The following LRRC9 variants were observed in gnomAD, a reference collection of about 807,000 sequenced individuals.
The protein encoded by LRRC9 is leucine-rich repeat-containing protein 9.
Under a neutral mutation model 63.2 loss-of-function variants are expected in LRRC9, and 122 were observed. That is an observed-to-expected ratio of 1.93 (90% CI 1.67 to 2.24). The LOEUF (loss-of-function observed/expected upper bound fraction) is 2.24. Among genes scored for constraint, LRRC9 ranks in the 30% most tolerant of loss-of-function variants. The pLI, the probability that LRRC9 is intolerant of heterozygous loss-of-function variation, is 0.00. For synonymous variants in LRRC9, 366 were observed against 213.1 expected (o/e 1.72, Z -6.25); for missense variants, 1,071 against 627.7 (o/e 1.71, Z -7.55).
intron 14 of LRRC9, 28 bp from the exon 15 acceptor site, chr14:59,977,989 G>C: frequency 2.9e-6 from 2 of 684,894 alleles, no homozygotes; most frequent in Admixed American, 4.2e-5. Flanking sequence ...AAATGTGTTT[G>C]CTTTGCTTGT....
chr14:60,046,441 C>T (rs1893429812), intron 29 of LRRC9, among the ~76,000 whole-genome samples: 2 of 151,932 alleles, frequency 1.3e-5, no homozygotes, highest in South Asian at 4.2e-4. Context: ...CTTTTGTTAA[C>T]CTCTGTATAA....
intron 19 of LRRC9, among the ~76,000 whole-genome samples, chr14:60,000,477 A>T (rs554570913): frequency 3.9e-5 from 6 of 152,236 alleles, no homozygotes; most frequent in Non-Finnish European, 8.8e-5. Context: ...AAAGAAATCA[A>T]ATCCTGCTAA....
intron 29 of LRRC9, among the ~76,000 whole-genome samples, chr14:60,052,068 T>G (rs1277464964): frequency 3.9e-5 from 6 of 152,214 alleles, no homozygotes. Context: ...GTTCACTCAC[T>G]GCTTTCACTC....
At chr14:59,944,420 T>G (rs1204220113) in intron 7 of LRRC9, among the ~76,000 whole-genome samples, 169 bp from the exon 8 acceptor site, 1 of 151,934 alleles carries the variant, frequency 6.6e-6, no homozygotes, top group Non-Finnish European at 1.5e-5. Context: ...TAAGTTTAAA[T>G]ATAGAACTCT....
chr14:59,946,502 G>C (rs1338931447), intron 8 of LRRC9, among the ~76,000 whole-genome samples: 1 of 144,940 alleles, frequency 6.9e-6, no homozygotes, highest in African/African-American at 2.6e-5. Context: ...CTTTTTTTTT[G>C]TCTTTTTTTT....
chr14:59,984,726 G>C (rs183770207), intron 16 of LRRC9, among the ~76,000 whole-genome samples: 1 of 152,170 alleles, frequency 6.6e-6, no homozygotes, highest in Admixed American at 6.5e-5. Context: ...TACCCTACCT[G>C]ATACCCCAAA....
chr14:60,055,004 C>T (rs186834272), intron 30 of LRRC9, among the ~76,000 whole-genome samples: 131 of 152,356 alleles, frequency 8.6e-4, no homozygotes, highest in Middle Eastern at 3.4e-3. Context: ...AGGCAATCCA[C>T]CCGCCTTGGC....
downstream of LRRC9, among the ~76,000 whole-genome samples, chr14:60,065,898 C>T (rs1325262809): frequency 6.6e-6 from 1 of 151,736 alleles, no homozygotes; most frequent in Non-Finnish European, 1.5e-5. Flanking sequence ...GAACCGAATA[C>T]AGGCAGTGTG....
Position 59,938,711 on chromosome 14 carries a change from A to T in LRRC9, c.726+139A>T. The T allele has an allele frequency of 2.3e-6, 1 of 429,026 alleles. No individual in the cohort carries two copies. The highest frequency in any genetic ancestry group is 4.1e-6 in the Non-Finnish European group (1 of 245,446). 26.6% of individuals were successfully genotyped at this position (429,026 alleles called of 1,614,324 possible). Reference sequence around the variant, plus strand: ...GTCTGCTTTTGCCCTAGTGAACTGGATATTACACATAAAAGTATATAAATA... The same window carrying T: ...GTCTGCTTTTGCCCTAGTGAACTGGTTATTACACATAAAAGTATATAAATA... On this transcript the variant is annotated intron_variant, in intron 7 of 31. Transcript: ENST00000445360. The surrounding 1 kb of genome is among the most constrained non-coding windows in gnomAD (Gnocchi z 4.2).
At chr14:60,062,213 T>G in intron 31 of LRRC9, 34 bp downstream of exon 32, 1 of 398,418 alleles carries the variant, frequency 2.5e-6, no homozygotes, top group African/African-American at 2.1e-5. Flanking sequence ...TAATATCATT[T>G]CTCATCATTA....
intron 19 of LRRC9, among the ~76,000 whole-genome samples, chr14:60,000,874 A>G (rs922962014): frequency 6.6e-6 from 1 of 152,182 alleles, no homozygotes; most frequent in Non-Finnish European, 1.5e-5. Flanking sequence ...TTATATATCC[A>G]GAATATATAA....
At chr14:59,976,507 T>G (rs765221677) in intron 13 of LRRC9, among the ~76,000 whole-genome samples, 16 of 152,168 alleles carry the variant, frequency 1.1e-4, no homozygotes, top group Non-Finnish European at 2.4e-4. Flanking sequence ...TAATAATAAT[T>G]ATAAAATTAA....
intron 27 of LRRC9, among the ~76,000 whole-genome samples, chr14:60,025,981 A>C (rs1891520031): frequency 6.6e-6 from 1 of 152,122 alleles, no homozygotes; most frequent in South Asian, 2.1e-4. Context: ...GAGATTGGGC[A>C]AGAGGAGGTA....
chr14:59,931,451 T>C (rs1388269745), intron 4 of LRRC9, among the ~76,000 whole-genome samples, 168 bp from the exon 5 acceptor site: 2 of 152,112 alleles, frequency 1.3e-5, no homozygotes, highest in African/African-American at 4.8e-5. Context: ...AGTTCCAGTA[T>C]AGAGAACAAA....
chr14:59,992,403 G>A (rs1049188197), intron 17 of LRRC9, among the ~76,000 whole-genome samples: 4 of 152,282 alleles, frequency 2.6e-5, no homozygotes, highest in South Asian at 2.1e-4. Context: ...AAATCAGAGC[G>A]CCTCTTCTCG....
At chr14:59,987,955 T>TCAA (rs1334111611) in intron 17 of LRRC9, among the ~76,000 whole-genome samples, 177 of 152,336 alleles carry the variant, frequency 1.2e-3, no homozygotes, top group African/African-American at 3.4e-3. Context: ...TTTCCCAAAG[T>TCAA]GAGCAACTCT....
At chr14:59,967,283 G>C in intron 12 of LRRC9, 70 bp downstream of exon 12, 2 of 501,368 alleles carry the variant, frequency 4.0e-6, no homozygotes, top group Admixed American at 3.0e-5. Flanking sequence ...GGTTAAGCAT[G>C]ATTTCCCAAT....
chr14:60,006,290 C>G (rs370052181), intron 21 of LRRC9, 107 bp from the exon 22 acceptor site: 1 of 589,122 alleles, frequency 1.7e-6, no homozygotes. Flanking sequence ...TCTTTAAAGC[C>G]ATTTGAACCT....
At chr14:59,933,082 G>T (rs540062955) in intron 6 of LRRC9, among the ~76,000 whole-genome samples, 1 of 152,184 alleles carries the variant, frequency 6.6e-6, no homozygotes, top group East Asian at 1.9e-4. Context: ...CTTTGCACTT[G>T]CTGGAATTTT....
Sources: allele counts gnomAD v4.1 joint callset (sites outside exome capture counted in the v4.1 genomes callset), GRCh38; gene constraint gnomAD v4.1.1; non-coding constraint Gnocchi (gnomAD v3.1); transcripts MANE v1.5; gene names NCBI Gene and HGNC (gene_info 2026-07-23, HGNC 2026-07-21).